Variants in CFAP69 observed in about 807,000 individuals in gnomAD.
CFAP69 encodes cilia- and flagella-associated protein 69.
In CFAP69, 92 loss-of-function variants were observed where a neutral mutation model predicts 123.0. The observed-to-expected ratio is 0.75, with a 90% CI of 0.63 to 0.89. The LOEUF is 0.89. Ranked by LOEUF, CFAP69 falls within the 40% of genes least tolerant of loss-of-function variation. The pLI, the probability that CFAP69 is intolerant of heterozygous loss-of-function variation, is 0.00. For missense variants in CFAP69, 1,067 were observed against 1,096.9 expected (o/e 0.97, Z 0.39); for synonymous variants, 380 against 364.3 (o/e 1.04, Z -0.49).
intron 1 of CFAP69, among the ~76,000 whole-genome samples, chr7:90,250,187 G>GGAGAGAGAGAGAGA (rs10527106): frequency 0.012 from 1,459 of 125,546 alleles, 55 homozygotes; most frequent in Non-Finnish European, 0.013. Context: ...TTTAAAGAGA[G>GGAGAGAGAGAGAGA]GAGAGAGAGA....
intron 15 of CFAP69, among the ~76,000 whole-genome samples, chr7:90,294,490 G>A (rs905016820): frequency 4.0e-5 from 6 of 151,686 alleles, no homozygotes; most frequent in South Asian, 4.2e-4. Context: ...ATGGAGACAC[G>A]CAGAAGATGA....
At chr7:90,261,884 T>G (rs928401800) in intron 3 of CFAP69, 63 bp from the exon 4 acceptor site, 13 of 851,622 alleles carry the variant, frequency 1.5e-5, no homozygotes, top group African/African-American at 3.6e-5. Context: ...ACAGAAATAC[T>G]ATAAAGAATA....
At position 90,304,732 on chromosome 7, in the gene CFAP69, A is replaced by T. The variant is rs771488958; in HGVS notation, c.2189-12A>T. The T allele has an allele frequency of 1.9e-6, 3 of 1,599,732 alleles. No individual in the cohort carries two copies. The highest frequency in any genetic ancestry group is 2.2e-5 in the South Asian group (2 of 88,920). ...TGCTAAAGTAATTCTGTCTTTATAA[A>T]CTTTATTTTAGATTTTGAAAATTTA... On this transcript the variant is annotated splice_polypyrimidine_tract_variant and intron_variant, in intron 18 of 22. Coordinates refer to ENST00000389297, the MANE Select transcript of CFAP69 (RefSeq NM_001039706.3).
chr7:90,298,436 G>A (rs535863256), intron 16 of CFAP69, among the ~76,000 whole-genome samples: 121 of 152,222 alleles, frequency 7.9e-4, no homozygotes, highest in Non-Finnish European at 1.5e-3. Context: ...GGGAGGAAAC[G>A]TACAATTTTG....
chr7:90,314,694 C>T (rs17868933), downstream of CFAP69, among the ~76,000 whole-genome samples: 1 of 144,434 alleles, frequency 6.9e-6, no homozygotes, highest in Non-Finnish European at 1.5e-5. Flanking sequence ...AAATTTAAAA[C>T]TTTTTTTTTT....
intron 15 of CFAP69, among the ~76,000 whole-genome samples, chr7:90,297,062 A>G (rs1284045548): frequency 6.6e-6 from 1 of 152,244 alleles, no homozygotes; most frequent in Non-Finnish European, 1.5e-5. Context: ...ACAGCTTTGC[A>G]GGACCATTTA....
chr7:90,273,323 T>A (rs542715706), intron 8 of CFAP69, among the ~76,000 whole-genome samples: 2 of 152,320 alleles, frequency 1.3e-5, no homozygotes, highest in East Asian at 3.9e-4. Context: ...GACCATAACA[T>A]GAAAGGTCTA....
At chr7:90,314,152 A>G (rs1365081633), downstream of CFAP69, among the ~76,000 whole-genome samples, 2 of 152,204 alleles carry the variant, frequency 1.3e-5, no homozygotes, top group Non-Finnish European at 2.9e-5. Context: ...GTCACAACCC[A>G]CAGGAACCTC....
At chr7:90,279,530 G>A (rs1169545695) in intron 11 of CFAP69, 147 bp from the exon 12 acceptor site, 3 of 416,186 alleles carry the variant, frequency 7.2e-6, no homozygotes, top group Admixed American at 4.2e-5. Flanking sequence ...TTTTTTTTTT[G>A]GTACCTATCA....
chr7:90,316,547 G>T, the CFAP69 span: 3 of 152,252 alleles, frequency 2.0e-5, no homozygotes, highest in South Asian at 2.1e-4. Context: ...CAAAGATTAC[G>T]TCTGGATTGT....
rs763165944 is a variant in CFAP69, at chr7:90,247,277, G to T, written c.120+1733G>T. On this transcript the variant is annotated intron_variant, in intron 1 of 22. Coordinates refer to ENST00000389297, the MANE Select transcript of CFAP69 (RefSeq NM_001039706.3). ...TCTAGAGACCCTGGAACGAAAAAAT[G>T]ATAACCTTTTAGGCCTCTGCCTTAG... is the stretch of plus-strand genomic sequence containing the variant. 2.6e-5 allele frequency among the ~76,000 whole-genome samples: 4 copies of T among 152,198 alleles called. No homozygotes were observed. In the South Asian group the frequency reaches 8.3e-4, roughly 31 times the overall value.
downstream of CFAP69, among the ~76,000 whole-genome samples, chr7:90,311,350 A>T (rs1403835109): frequency 6.6e-6 from 1 of 152,120 alleles, no homozygotes; most frequent in Non-Finnish European, 1.5e-5. Context: ...TTGAGTCTAG[A>T]TTCTGGGCCC....
chr7:90,255,530 T>C, intron 2 of CFAP69, 48 bp downstream of exon 2: 1 of 1,385,148 alleles, frequency 7.2e-7, no homozygotes, highest in Non-Finnish European at 1.0e-6. Flanking sequence ...ACTTACAAAC[T>C]ATTTCCCTGA....
intron 3 of CFAP69, 33 bp from the exon 4 acceptor site, chr7:90,261,914 C>G (rs972732914): frequency 1.7e-6 from 2 of 1,153,436 alleles, no homozygotes; most frequent in African/African-American, 3.2e-5. Flanking sequence ...AGATATTAAT[C>G]TGAATTTTAT....
At chr7:90,273,117 T>C (rs1800194665) in intron 8 of CFAP69, among the ~76,000 whole-genome samples, 1 of 152,154 alleles carries the variant, frequency 6.6e-6, no homozygotes, top group East Asian at 1.9e-4. Context: ...AATAACTGCT[T>C]CCTAATGAAC....
At chr7:90,319,823 CTG>C in the CFAP69 span, 1 of 397,754 alleles carries the variant, frequency 2.5e-6, no homozygotes, top group East Asian at 3.6e-5. Flanking sequence ...ATCTAAAAAA[CTG>C]TAAGTACACA....
chr7:90,293,915 C>T (rs552790113), intron 15 of CFAP69, among the ~76,000 whole-genome samples: 8 of 152,274 alleles, frequency 5.3e-5, no homozygotes, highest in Middle Eastern at 3.4e-3. Context: ...GGGGGCCTAA[C>T]GACCTTCAAA....
chr7:90,293,878 T>C (rs1791558180), intron 15 of CFAP69, among the ~76,000 whole-genome samples: 1 of 152,018 alleles, frequency 6.6e-6, no homozygotes, highest in Admixed American at 6.6e-5. Context: ...ACAGTAAGAG[T>C]CATAGTGGCA....
chr7:90,263,145 C>T (rs1354187135), intron 4 of CFAP69, among the ~76,000 whole-genome samples: 4 of 152,142 alleles, frequency 2.6e-5, no homozygotes. Context: ...CAGAGCTCTG[C>T]ACAAAGTTCA....
Sources: allele counts gnomAD v4.1 joint callset (sites outside exome capture counted in the v4.1 genomes callset), GRCh38; gene constraint gnomAD v4.1.1; transcripts MANE v1.5; gene names NCBI Gene and HGNC (gene_info 2026-07-23, HGNC 2026-07-21).